METTL24: variants seen among roughly 807,000 people sequenced by gnomAD.
METTL24 encodes the protein methyltransferase like 24, also known as probable methyltransferase-like protein 24.
METTL24 carries 29 observed loss-of-function variants against 32.7 expected under a neutral mutation model. The observed-to-expected ratio is 0.89, with a 90% CI of 0.66 to 1.21. METTL24 has a LOEUF of 1.21. Ranked by LOEUF, METTL24 falls within the 50% of genes most tolerant of loss-of-function variation. The pLI is 0.00. For synonymous variants in METTL24, 163 were observed against 179.5 expected, an observed-to-expected ratio of 0.91 and a Z score of 0.73; for missense variants, 439 against 468.1, an observed-to-expected ratio of 0.94 and a Z score of 0.57.
intron 4 of METTL24, among the ~76,000 whole-genome samples, chr6:110,277,037 C>A (rs1404038378): frequency 2.0e-5 from 3 of 152,200 alleles, no homozygotes; most frequent in Admixed American, 6.5e-5. Context: ...CCCATTCCAA[C>A]ATTTTTTCTA....
chr6:110,263,928 T>C (rs1330624776), intron 4 of METTL24, among the ~76,000 whole-genome samples: 4 of 152,242 alleles, frequency 2.6e-5, no homozygotes, highest in Admixed American at 6.5e-5. Context: ...ATGTAGAAAG[T>C]TGAAACTGGA....
intron 1 of METTL24, among the ~76,000 whole-genome samples, chr6:110,346,249 G>A (rs747483459): frequency 6.6e-6 from 1 of 152,200 alleles, no homozygotes; most frequent in Non-Finnish European, 1.5e-5. Context: ...CTTTCAGCCA[G>A]TATTTCCTGA....
intron 1 of METTL24, chr6:110,332,330 A>G (rs1479016972): frequency 5.8e-6 from 1 of 172,912 alleles, no homozygotes; most frequent in African/African-American, 2.4e-5. Flanking sequence ...GTGTAGGTCA[A>G]AATGGTTCAA....
At chr6:110,264,866 G>GC (rs1347115113) in intron 4 of METTL24, among the ~76,000 whole-genome samples, 1 of 151,838 alleles carries the variant, frequency 6.6e-6, no homozygotes, top group Non-Finnish European at 1.5e-5. Context: ...GCAAACTATT[G>GC]CAAGGACAAA....
In METTL24 at chr6:110,358,226, C is replaced by T. The variant is rs777959637; in HGVS notation, c.47G>A (p.Arg16Gln). 3 of 1,486,256 alleles carry T rather than the reference C, an allele frequency of 2.0e-6. No individual in the cohort carries two copies. The highest frequency in any genetic ancestry group is 2.9e-5 in the East Asian group (1 of 34,670). 92.1% of individuals were successfully genotyped at this position (1,486,256 alleles called of 1,614,324 possible). Residue 16 changes from arginine to glutamine, a missense_variant, in exon 1 of 5, where the codon CGG (arginine) becomes CAG (glutamine). By Grantham distance (43) the Arg-to-Gln change is conservative. Transcript: ENST00000338882. ...CAACAGCACAGCCCCGAGTAGACACCGGCGCAGGACGCCGCAGCCCCTCCC... is the reference window on the plus strand; with the variant it reads ...CAACAGCACAGCCCCGAGTAGACACTGGCGCAGGACGCCGCAGCCCCTCCC... ...PPGRGCGVLR[R>Q]CLLGAVLLFG... is the part of the protein sequence containing the mutation.
chr6:110,330,089 C>G (rs1359515677), intron 1 of METTL24, among the ~76,000 whole-genome samples: 1 of 152,258 alleles, frequency 6.6e-6, no homozygotes, highest in Non-Finnish European at 1.5e-5. Context: ...CCAGGAGCAG[C>G]CCCGCAGTTC....
At chr6:110,276,267 C>T (rs1269291551) in intron 4 of METTL24, among the ~76,000 whole-genome samples, 1 of 152,018 alleles carries the variant, frequency 6.6e-6, no homozygotes, top group Non-Finnish European at 1.5e-5. Flanking sequence ...ACCCTCATCT[C>T]TACCAAAAAA....
At chr6:110,283,065 C>T (rs557437058) in intron 4 of METTL24, among the ~76,000 whole-genome samples, 55 of 152,224 alleles carry the variant, frequency 3.6e-4, no homozygotes, top group Middle Eastern at 6.8e-3. Context: ...TAAAATGCTA[C>T]TGATTTAAGC....
chr6:110,271,661 A>AT (rs924237147), intron 4 of METTL24, among the ~76,000 whole-genome samples: 3 of 152,080 alleles, frequency 2.0e-5, no homozygotes, highest in Admixed American at 6.6e-5. Flanking sequence ...TATAATCTAC[A>AT]TTTTTTTCTA....
chr6:110,321,935 C>T (rs1771936742), intron 2 of METTL24, among the ~76,000 whole-genome samples: 2 of 152,182 alleles, frequency 1.3e-5, no homozygotes, highest in African/African-American at 4.8e-5. Flanking sequence ...CAGGATCCCC[C>T]GTGCAGCACC....
rs1778172411 is a variant in METTL24, at chr6:110,246,793, T to G, written c.787-533A>C. ...AAGGAAGTGACAAAGGGCTACTGCCTGCAGGGACTATCTTGCAGGCCTCAT... is the reference window on the plus strand; with the variant it reads ...AAGGAAGTGACAAAGGGCTACTGCCGGCAGGGACTATCTTGCAGGCCTCAT... On this transcript the variant is annotated intron_variant, in intron 4 of 4. Coordinates refer to ENST00000338882, the MANE Select transcript of METTL24 (RefSeq NM_001123364.3). Among the ~76,000 whole-genome samples the G allele has an allele frequency of 2.0e-5, 3 of 152,162 alleles. No homozygotes were observed. In the South Asian group the frequency reaches 6.2e-4, roughly 32 times the overall value.
intron 1 of METTL24, among the ~76,000 whole-genome samples, chr6:110,326,924 T>C (rs951904746): frequency 3.9e-5 from 6 of 152,166 alleles, no homozygotes; most frequent in Non-Finnish European, 5.9e-5. Flanking sequence ...CAGGGGCAAA[T>C]GGAAGGCTTC....
intron 4 of METTL24, among the ~76,000 whole-genome samples, chr6:110,298,721 C>G (rs77069164): frequency 0.029 from 4,468 of 152,266 alleles, 232 homozygotes; most frequent in African/African-American, 0.1. Flanking sequence ...CAACTAAAAT[C>G]TTCACATCAA....
rs1562230937 is a variant in METTL24 at position 110,302,566 on chromosome 6, C to CATAT, written c.558-3417_558-3416insATAT. ...ACACACACATATGTGTATATATACACACATACACACACATATGTGTATATA... is the reference window on the plus strand; with the variant it reads ...ACACACACATATGTGTATATATACACATATACATACACACACATATGTGTATATA... On this transcript the variant is annotated intron_variant, in intron 3 of 4. Transcript: ENST00000338882. Among the ~76,000 whole-genome samples the CATAT allele has an allele frequency of 8.4e-5, 8 of 95,726 alleles. 1 individual carries two copies. The highest frequency in any genetic ancestry group is 2.2e-4 in the African/African-American group (4 of 17,814). 62.8% of individuals were successfully genotyped at this position (95,726 alleles called of 152,430 possible). A position where few individuals can be genotyped will look rare whatever the true frequency, so the allele number is the denominator to read the frequency against.
intron 4 of METTL24, among the ~76,000 whole-genome samples, chr6:110,287,199 T>C (rs1424719431): frequency 6.6e-6 from 1 of 152,156 alleles, no homozygotes; most frequent in Non-Finnish European, 1.5e-5. Context: ...ATCTCACCTT[T>C]ATGGATGAAT....
intron 4 of METTL24, among the ~76,000 whole-genome samples, chr6:110,249,889 A>G (rs1272024878): frequency 2.0e-5 from 3 of 152,064 alleles, no homozygotes; most frequent in Non-Finnish European, 4.4e-5. Flanking sequence ...TATGATTTCC[A>G]GTGTATTAAA....
intron 3 of METTL24, among the ~76,000 whole-genome samples, chr6:110,303,348 AG>A (rs1257358718): frequency 6.6e-6 from 1 of 152,144 alleles, no homozygotes; most frequent in Non-Finnish European, 1.5e-5. Context: ...GGCTGAAGCC[AG>A]GGAGACAAGT....
chr6:110,302,171 G>A (rs569214369), intron 3 of METTL24, among the ~76,000 whole-genome samples: 5 of 151,858 alleles, frequency 3.3e-5, no homozygotes, highest in East Asian at 1.9e-4. Context: ...CTAGCTACTC[G>A]GGAAGCTGAG....
At chr6:110,348,011 A>C (rs1772512994) in intron 1 of METTL24, among the ~76,000 whole-genome samples, 1 of 152,246 alleles carries the variant, frequency 6.6e-6, no homozygotes, top group Non-Finnish European at 1.5e-5. Flanking sequence ...TAAATATTTA[A>C]AATTGCAGTG....
Sources: gnomAD v4.1 joint callset for allele counts (sites outside exome capture counted in the v4.1 genomes callset) on GRCh38, gnomAD v4.1.1 for gene constraint, MANE v1.5 for transcripts, NCBI Gene and HGNC (gene_info 2026-07-23, HGNC 2026-07-21) for gene names.